The following TPCN1 variants were observed in gnomAD, a reference collection of about 807,000 sequenced individuals.
TPCN1 encodes two pore segment channel 1, also known as two pore channel protein 1.
Under a neutral mutation model 108.8 loss-of-function variants are expected in TPCN1, and 52 were observed. The ratio of observed to expected loss-of-function variants is 0.48; its 90% CI spans 0.38 to 0.60. TPCN1 has a LOEUF of 0.60. Ranked by LOEUF, TPCN1 falls within the 20% of genes least tolerant of loss-of-function variation. The pLI is 0.00. For missense variants in TPCN1, 806 were observed against 1,072.8 expected (o/e 0.75, Z 3.47); for synonymous variants, 446 against 433.7 (o/e 1.03, Z -0.35).
At chr12:113,293,496 G>A in intron 27 of TPCN1, 147 bp downstream of exon 27, 1 of 815,374 alleles carries the variant, frequency 1.2e-6, no homozygotes, top group Non-Finnish European at 2.0e-6. Context: ...GGGGTTGTGT[G>A]GGACCTGAGC....
intron 2 of TPCN1, among the ~76,000 whole-genome samples, chr12:113,229,394 C>T (rs771477986): frequency 6.6e-6 from 1 of 152,254 alleles, no homozygotes; most frequent in Non-Finnish European, 1.5e-5. Flanking sequence ...GAGGCCTGCT[C>T]TGCCTTAGCA....
Position 113,292,966 on chromosome 12 carries a change from T to G in TPCN1, c.2146T>G (p.Ser716Ala). ...DGGITLEKEI[S>A]KEELVAVLEL... ...TGGCATCACCCTTGAGAAGGAAATC[T>G]CCAAAGAAGAGCTGGTTGCCGTCCT... Residue 716 changes from serine to alanine, a missense_variant, in exon 26 of 28, where the codon TCC becomes GCC. Physicochemically the swap from Ser to Ala is moderately conservative, Grantham distance 99. Transcript: ENST00000335509. 1 of 1,613,068 alleles carries G rather than the reference T, an allele frequency of 6.2e-7. No homozygotes were observed. The highest frequency in any genetic ancestry group is 8.5e-7 in the Non-Finnish European group (1 of 1,179,970).
chr12:113,294,066 T>C (rs1199543084), intron 27 of TPCN1: 1 of 152,102 alleles, frequency 6.6e-6, no homozygotes, highest in Non-Finnish European at 1.5e-5. Context: ...GTGCTTGGGA[T>C]TTTTCATAAT....
intron 2 of TPCN1, among the ~76,000 whole-genome samples, chr12:113,253,927 A>G (rs1954739201): frequency 6.6e-6 from 1 of 152,236 alleles, no homozygotes; most frequent in Non-Finnish European, 1.5e-5. Flanking sequence ...CCAGTAGTTT[A>G]AAATCATCAT....
At chr12:113,239,356 G>A (rs1009366890) in intron 2 of TPCN1, among the ~76,000 whole-genome samples, 1 of 152,202 alleles carries the variant, frequency 6.6e-6, no homozygotes, top group Non-Finnish European at 1.5e-5. Flanking sequence ...GGCAGGGCAG[G>A]AAGGTAGAGG....
rs144760721 is a variant in TPCN1 at position 113,278,929 on chromosome 12, G to GGTGT, written c.1297+109_1297+112dup. On this transcript the variant is annotated intron_variant, in intron 14 of 27. Coordinates refer to ENST00000335509, the MANE Select transcript of TPCN1 (RefSeq NM_017901.6). ...AAGCGTCTGAGGAGAGGTTCAGAGGGGTGTGTGTGTGTGTGTGTTTGTCTG... is the reference window on the plus strand; with the variant it reads ...AAGCGTCTGAGGAGAGGTTCAGAGGGGTGTGTGTGTGTGTGTGTGTGTTTGTCTG... 4.5e-4 allele frequency: 487 copies of GGTGT among 1,078,852 alleles called. 3 individuals carry two copies. The East Asian group carries it at 0.012, about 26-fold the overall frequency. The allele number at this position is 1,078,852 out of a possible 1,614,324, so 66.8% of individuals were successfully genotyped here. A position where few individuals can be genotyped will look rare whatever the true frequency, so the allele number is the denominator to read the frequency against.
At chr12:113,280,324 T>G in intron 15 of TPCN1, 129 bp downstream of exon 15, 1 of 680,886 alleles carries the variant, frequency 1.5e-6, no homozygotes. Context: ...ATTCCCAGCA[T>G]GTATAAAAGT....
Position 113,268,172 on chromosome 12 carries a change from T to C in TPCN1, c.528+216T>C, listed in dbSNP as rs1397231624. Reference sequence around the variant, plus strand: ...CTAATGTGATTGGGTGTTTGGTACCTGCCAGGCACTGGCGCAGTCACCTTC... The same window carrying C: ...CTAATGTGATTGGGTGTTTGGTACCCGCCAGGCACTGGCGCAGTCACCTTC... On this transcript the variant is annotated intron_variant, in intron 5 of 27. Transcript: ENST00000335509. The surrounding 1 kb of genome is among the most constrained non-coding windows in gnomAD (Gnocchi z 7.3). Among the ~76,000 whole-genome samples, 4 of 152,234 alleles carry C rather than the reference T, an allele frequency of 2.6e-5. No homozygotes were observed. The highest frequency in any genetic ancestry group is 4.4e-5 in the Non-Finnish European group (3 of 68,030).
At chr12:113,224,144 A>G (rs1953378331) in intron 1 of TPCN1, among the ~76,000 whole-genome samples, 1 of 152,184 alleles carries the variant, frequency 6.6e-6, no homozygotes, top group Non-Finnish European at 1.5e-5. Flanking sequence ...TTGAGGAATT[A>G]TAGTGTAATG....
intron 25 of TPCN1, 51 bp from the exon 26 acceptor site, chr12:113,292,882 GT>G: frequency 6.3e-7 from 1 of 1,582,716 alleles, no homozygotes; most frequent in Non-Finnish European, 8.6e-7. Flanking sequence ...ACCCAGCCAG[GT>G]TGGCAGCTGC....
chr12:113,281,363 G>T (rs1257224436), intron 15 of TPCN1, among the ~76,000 whole-genome samples: 14 of 152,018 alleles, frequency 9.2e-5, no homozygotes, highest in African/African-American at 3.4e-4. Flanking sequence ...TAAAATCCAG[G>T]TTGTCTTTGA....
intron 2 of TPCN1, among the ~76,000 whole-genome samples, chr12:113,248,825 C>T (rs1954509896): frequency 6.6e-6 from 1 of 152,154 alleles, no homozygotes; most frequent in Non-Finnish European, 1.5e-5. Context: ...TAAAAACACA[C>T]ACACGCACAC....
In TPCN1 at chr12:113,289,086, G is replaced by A. The variant is rs1164324472; in HGVS notation, c.1796+239G>A. 3.9e-5 allele frequency among the ~76,000 whole-genome samples: 6 copies of A among 152,230 alleles called. No individual in the cohort carries two copies. Among genetic ancestry groups the A allele is most frequent in the Admixed American group, 3.3e-4 (5 of 15,280 alleles). On this transcript the variant is annotated intron_variant, in intron 21 of 27. Coordinates refer to ENST00000335509, the MANE Select transcript of TPCN1 (RefSeq NM_017901.6). The surrounding 1 kb of genome is among the most constrained non-coding windows in gnomAD (Gnocchi z 4.1). The stretch of plus-strand genomic sequence containing the variant: ...GGGAGCTGTCAGCTCACCCTCTGCC[G>A]AGGGCTGGAGGCCACCCCCACAGTA...
intron 2 of TPCN1, among the ~76,000 whole-genome samples, chr12:113,249,306 G>A (rs1954536484): frequency 6.6e-6 from 1 of 152,256 alleles, no homozygotes; most frequent in Non-Finnish European, 1.5e-5. Flanking sequence ...CATCAGAAGA[G>A]ACAGTGGCCG....
In TPCN1 at chr12:113,266,486, G is replaced by C. The variant is rs989583967; in HGVS notation, c.414+130G>C. On this transcript the variant is annotated intron_variant, in intron 4 of 27. Coordinates refer to ENST00000335509, the MANE Select transcript of TPCN1 (RefSeq NM_017901.6). This position sits in a 1 kb window ranked among gnomAD's most constrained non-coding sequence, Gnocchi z 4.2. Reference sequence around the variant, plus strand: ...GACTTAAAACAGAGAGATACGAGGTGGTCATAGAGGCCTTGGGAGCGGAAA... The same window carrying C: ...GACTTAAAACAGAGAGATACGAGGTCGTCATAGAGGCCTTGGGAGCGGAAA... 4.0e-6 allele frequency: 5 copies of C among 1,245,250 alleles called. No individual in the cohort carries two copies. The Admixed American group carries it at 6.2e-5, about 15-fold the overall frequency. The allele number at this position is 1,245,250 out of a possible 1,614,324, so 77.1% of individuals were successfully genotyped here.
intron 23 of TPCN1, chr12:113,291,388 C>T: frequency 1.7e-6 from 1 of 602,084 alleles, no homozygotes; most frequent in Admixed American, 2.9e-5. Context: ...AAAGGCTGCC[C>T]TGGTTCTGGA....
intron 4 of TPCN1, 42 bp from the exon 5 acceptor site, chr12:113,267,801 G>A: frequency 7.1e-7 from 1 of 1,411,812 alleles, no homozygotes; most frequent in Non-Finnish European, 1.0e-6. Context: ...GTGGCCATGG[G>A]CTGGGCTGGC....
At position 113,272,733 on chromosome 12, in the gene TPCN1, G is replaced by A; in HGVS notation, c.783+41G>A. 1.2e-6 allele frequency: 2 copies of A among 1,601,510 alleles called. No individual in the cohort carries two copies. Among genetic ancestry groups the A allele is most frequent in the Non-Finnish European group, 8.6e-7 (1 of 1,168,556 alleles). On this transcript the variant is annotated intron_variant, in intron 8 of 27. Coordinates refer to ENST00000335509, the MANE Select transcript of TPCN1 (RefSeq NM_017901.6). The surrounding 1 kb of genome is among the most constrained non-coding windows in gnomAD (Gnocchi z 4.1). ...ATTTGTCCGTCTCTTCTTTTATGGA[G>A]GGCTTTTCCCTCAGACAGGGTCACC...
intron 2 of TPCN1, among the ~76,000 whole-genome samples, chr12:113,254,382 C>A (rs1954761126): frequency 6.6e-6 from 1 of 152,124 alleles, no homozygotes; most frequent in African/African-American, 2.4e-5. Context: ...AGGAAAGAAA[C>A]CTCGGACCAA....
Sources: allele counts gnomAD v4.1 joint callset (sites outside exome capture counted in the v4.1 genomes callset), GRCh38; gene constraint gnomAD v4.1.1; non-coding constraint Gnocchi (gnomAD v3.1); transcripts MANE v1.5; gene names NCBI Gene and HGNC (gene_info 2026-07-23, HGNC 2026-07-21).